CHRNB3: variants seen among roughly 807,000 people sequenced by gnomAD.
The protein encoded by CHRNB3 is cholinergic receptor nicotinic beta 3 subunit.
CHRNB3 carries 37 observed loss-of-function variants against 40.6 expected under a neutral mutation model. That is an observed-to-expected ratio of 0.91 (90% CI 0.70 to 1.20). The LOEUF (loss-of-function observed/expected upper bound fraction) is 1.20. CHRNB3 is among the 50% of genes most tolerant of loss of function. The pLI, the probability that CHRNB3 is intolerant of heterozygous loss-of-function variation, is 0.00. For synonymous variants in CHRNB3, 207 were observed against 207.1 expected, an observed-to-expected ratio of 1.00 and a Z score of 0.00; for missense variants, 505 against 551.2, an observed-to-expected ratio of 0.92 and a Z score of 0.84.
At chr8:42,734,805 A>G (rs1364347386) in intron 5 of CHRNB3, among the ~76,000 whole-genome samples, 1 of 152,118 alleles carries the variant, frequency 6.6e-6, no homozygotes, top group African/African-American at 2.4e-5. Flanking sequence ...ACAATCTGTC[A>G]TGTTTTTCAT....
Position 42,697,673 on chromosome 8 carries a change from GATA to G in CHRNB3, c.52+78_52+80del, listed in dbSNP as rs1815700422. The stretch of plus-strand genomic sequence containing the variant: ...GCAGAGGAGGCAAAACTATGGTGTT[GATA>G]ATGTTAGAATTACAATATGTAATGC... On this transcript the variant is annotated intron_variant, in intron 1 of 5. Transcript: ENST00000289957. 7 of 1,088,396 alleles carry G rather than the reference GATA, an allele frequency of 6.4e-6. No individual in the cohort carries two copies. In the Admixed American group the frequency reaches 1.0e-4, roughly 16 times the overall value. The allele number at this position is 1,088,396 out of a possible 1,614,324, so 67.4% of individuals were successfully genotyped here.
intron 4 of CHRNB3, among the ~76,000 whole-genome samples, chr8:42,731,279 G>A (rs1816413436): frequency 2.0e-5 from 3 of 152,078 alleles, no homozygotes; most frequent in Admixed American, 2.0e-4. Flanking sequence ...AATAGGGCAG[G>A]GTGTGGTGGC....
chr8:42,716,310 G>A (rs1478309636), intron 3 of CHRNB3, among the ~76,000 whole-genome samples: 1 of 152,034 alleles, frequency 6.6e-6, no homozygotes, highest in Non-Finnish European at 1.5e-5. Context: ...ACAAGGGTTG[G>A]CCGTTTTGCC....
At chr8:42,729,129 C>CG (rs1423913408) in intron 3 of CHRNB3, among the ~76,000 whole-genome samples, 1 of 152,004 alleles carries the variant, frequency 6.6e-6, no homozygotes, top group African/African-American at 2.4e-5. Context: ...TGCCATTGGC[C>CG]GGGCACGGTG....
intron 1 of CHRNB3, among the ~76,000 whole-genome samples, chr8:42,703,422 TAA>T (rs1202825994): frequency 7.6e-5 from 2 of 26,474 alleles, no homozygotes; most frequent in Admixed American, 6.3e-4. Context: ...AGACTTCGTC[TAA>T]AAAAAAAAAA....
chr8:42,727,354 T>C (rs374426777), intron 3 of CHRNB3, among the ~76,000 whole-genome samples: 3 of 128,238 alleles, frequency 2.3e-5, no homozygotes, highest in East Asian at 2.3e-4. Flanking sequence ...GCCTGGGCGA[T>C]AGAGTGAGAC....
At chr8:42,720,189 C>A (rs961098670) in intron 3 of CHRNB3, among the ~76,000 whole-genome samples, 9 of 134,126 alleles carry the variant, frequency 6.7e-5, no homozygotes, top group Non-Finnish European at 1.1e-4. Context: ...TGCAGCGGCA[C>A]GATCTCGGCT....
In CHRNB3 at chr8:42,717,266, T is replaced by A. The variant is rs1357613984; in HGVS notation, c.249+6832T>A. ...GCGGGCGCCTGTAGTCCCAGCTACT[T>A]GGGAGGCTGAGGCAGGAGAATGGCG... On this transcript the variant is annotated intron_variant, in intron 3 of 5. Coordinates refer to ENST00000289957, the MANE Select transcript of CHRNB3 (RefSeq NM_000749.5). Among the ~76,000 whole-genome samples, 20 of 134,442 alleles carry A rather than the reference T, an allele frequency of 1.5e-4. No homozygotes were observed. The South Asian group carries it at 5.0e-3, about 33-fold the overall frequency. 88.2% of individuals were successfully genotyped at this position (134,442 alleles called of 152,430 possible). A position where few individuals can be genotyped will look rare whatever the true frequency, so the allele number is the denominator to read the frequency against.
intron 1 of CHRNB3, among the ~76,000 whole-genome samples, chr8:42,704,636 A>T (rs1348770996): frequency 6.6e-6 from 1 of 152,064 alleles, no homozygotes; most frequent in African/African-American, 2.4e-5. Context: ...CCTCTCTCTT[A>T]TGTGTCCAAA....
At chr8:42,721,983 G>A (rs1417693080) in intron 3 of CHRNB3, 1 of 152,152 alleles carries the variant, frequency 6.6e-6, no homozygotes, top group African/African-American at 2.4e-5. Context: ...AAGGAAACTG[G>A]GGTTCTGTTA....
At chr8:42,701,578 C>G (rs1027410387) in intron 1 of CHRNB3, among the ~76,000 whole-genome samples, 6 of 152,094 alleles carry the variant, frequency 3.9e-5, no homozygotes, top group African/African-American at 1.2e-4. Flanking sequence ...ACCAGAAGGT[C>G]AGGTCTTCAA....
At position 42,708,769 on chromosome 8, in the gene CHRNB3, TTTG is replaced by T. The variant is rs764628441; in HGVS notation, c.108_110del (p.Leu36del). The T allele has an allele frequency of 1.1e-5, 18 of 1,614,000 alleles. No homozygotes were observed. The highest frequency in any genetic ancestry group is 1.7e-5 in the Admixed American group (1 of 59,986). On this transcript the variant is annotated inframe_deletion, in exon 2 of 6. Transcript: ENST00000289957. Reference sequence around the variant, plus strand: ...AAAATGAAGATGCCCTCCTCAGACATTTGTTCCAAGGTTATCAGAAATGGGTCC... The same window carrying T: ...AAAATGAAGATGCCCTCCTCAGACATTTCCAAGGTTATCAGAAATGGGTCC...
chr8:42,716,853 C>T (rs1444251834), intron 3 of CHRNB3, among the ~76,000 whole-genome samples: 2 of 152,034 alleles, frequency 1.3e-5, no homozygotes, highest in Non-Finnish European at 2.9e-5. Context: ...AAAAATAAGG[C>T]AATGAGAGGA....
Position 42,731,934 on chromosome 8 carries a change from G to A in CHRNB3, c.627G>A (p.Met209Ile). 6 of 1,614,184 alleles carry A rather than the reference G, an allele frequency of 3.7e-6. No homozygotes were observed. The highest frequency in any genetic ancestry group is 5.1e-6 in the Non-Finnish European group (6 of 1,180,046). ...GEWEILNAKG[M>I]KGNRRDGVYS... ...GGGAAATACTGAACGCAAAGGGGAT[G>A]AAGGGGAACAGAAGGGACGGCGTGT... The change falls in exon 5 of 6, where the codon ATG becomes ATA. Residue 209 changes from methionine to isoleucine, a missense_variant. Physicochemically the swap from Met to Ile is conservative, Grantham distance 10. Transcript: ENST00000289957.
At chr8:42,728,382 G>C (rs1041025708) in intron 3 of CHRNB3, among the ~76,000 whole-genome samples, 1 of 152,052 alleles carries the variant, frequency 6.6e-6, no homozygotes, top group Non-Finnish European at 1.5e-5. Flanking sequence ...AATTAGCCGG[G>C]TGTGGTGGTA....
Position 42,697,574 on chromosome 8 carries a change from AT to A in CHRNB3, c.29del (p.Ile10ThrfsTer45). 6.2e-7 allele frequency: 1 copy of A among 1,613,854 alleles called. No individual in the cohort carries two copies. Reference protein sequence around the residue: MLPDFMLVLIVLGIPSSATT... With the variant: MLPDFMLVLXVLGIPSSATT... ...GCTCCCAGATTTTATGCTGGTTCTCATCGTCCTTGGCATCCCTTCCTCAGGT... is the reference window on the plus strand; with the variant it reads ...GCTCCCAGATTTTATGCTGGTTCTCACGTCCTTGGCATCCCTTCCTCAGGT... On this transcript the variant is annotated frameshift_variant, in exon 1 of 6. Transcript: ENST00000289957. LOFTEE classifies it high-confidence loss of function.
chr8:42,723,597 C>G (rs76473512), intron 3 of CHRNB3, among the ~76,000 whole-genome samples: 3,815 of 152,244 alleles, frequency 0.025, 169 homozygotes, highest in African/African-American at 0.087. Context: ...CACCAGGCTG[C>G]ACATCTCCTG....
At chr8:42,706,679 T>G (rs1395977005) in intron 1 of CHRNB3, among the ~76,000 whole-genome samples, 1 of 152,166 alleles carries the variant, frequency 6.6e-6, no homozygotes, top group African/African-American at 2.4e-5. Context: ...CTTTACAGAC[T>G]GACACCCTGG....
chr8:42,729,711 A>G (rs544192845), intron 3 of CHRNB3, among the ~76,000 whole-genome samples: 1 of 151,886 alleles, frequency 6.6e-6, no homozygotes, highest in Admixed American at 6.6e-5. Flanking sequence ...AACTCTCTGA[A>G]CTCCCGCATC....
Sources: gnomAD v4.1 joint callset for allele counts (sites outside exome capture counted in the v4.1 genomes callset) on GRCh38, gnomAD v4.1.1 for gene constraint, MANE v1.5 for transcripts, NCBI Gene and HGNC (gene_info 2026-07-23, HGNC 2026-07-21) for gene names.